PHC3: variants seen among roughly 807,000 people sequenced by gnomAD.
PHC3 encodes polyhomeotic homolog 3.
A neutral mutation model predicts 107.4 loss-of-function variants in PHC3; 13 were observed. The ratio of observed to expected loss-of-function variants is 0.12; its 90% CI spans 0.08 to 0.19. The LOEUF (loss-of-function observed/expected upper bound fraction) is 0.19. PHC3 is among the 10% of genes least tolerant of loss of function. The probability of loss-of-function intolerance (pLI) is 1.00; values close to 1 mark genes in which losing one functional copy is unlikely to be tolerated. For missense variants in PHC3, 992 were observed against 1,210.9 expected, an observed-to-expected ratio of 0.82 and a Z score of 2.68; for synonymous variants, 456 against 427.4, an observed-to-expected ratio of 1.07 and a Z score of -0.83.
chr3:170,144,291 AGACGGT>A (rs2108557189), intron 6 of PHC3, among the ~76,000 whole-genome samples: 1 of 151,654 alleles, frequency 6.6e-6, no homozygotes, highest in Admixed American at 6.6e-5. Flanking sequence ...CAGTGAGCGG[AGACGGT>A]GCCACTGTAC....
chr3:170,160,014 CA>C (rs1486265569), intron 4 of PHC3, among the ~76,000 whole-genome samples: 1 of 152,148 alleles, frequency 6.6e-6, no homozygotes, highest in African/African-American at 2.4e-5. Context: ...TCCAGCAAAA[CA>C]AAATTCTTAT....
chr3:170,105,545 C>T (rs913845711), intron 12 of PHC3, among the ~76,000 whole-genome samples: 1 of 151,986 alleles, frequency 6.6e-6, no homozygotes, highest in Non-Finnish European at 1.5e-5. Context: ...AATAGATGTA[C>T]ATAGTTTTAG....
At chr3:170,127,074 G>A (rs1365565197) in intron 8 of PHC3, among the ~76,000 whole-genome samples, 3 of 151,976 alleles carry the variant, frequency 2.0e-5, no homozygotes, top group Admixed American at 6.6e-5. Context: ...TGAAGGTGCT[G>A]TACGCTTCCT....
At chr3:170,099,964 C>T (rs1006354676) in intron 14 of PHC3, among the ~76,000 whole-genome samples, 7 of 152,014 alleles carry the variant, frequency 4.6e-5, no homozygotes, top group African/African-American at 1.7e-4. Context: ...GAAGATAACC[C>T]GCAGTAAATT....
chr3:170,128,501 TAAAC>T lies in PHC3; in HGVS notation c.1788+179_1788+182del. ...CAAATTATAAAGCATGCAACCACAC[TAAAC>T]AAACAATGGCATTTTTTTTTTTTTG... On this transcript the variant is annotated intron_variant, in intron 8 of 14. Transcript: ENST00000495893. 9.8e-6 allele frequency: 11 copies of T among 1,128,028 alleles called. No homozygotes were observed. In the South Asian group the frequency reaches 1.5e-4, roughly 15 times the overall value. The allele number at this position is 1,128,028 out of a possible 1,614,324, so 69.9% of individuals were successfully genotyped here.
chr3:170,098,756 T>C (rs1402481810), intron 14 of PHC3, among the ~76,000 whole-genome samples: 3 of 152,240 alleles, frequency 2.0e-5, no homozygotes, highest in Non-Finnish European at 2.9e-5. Context: ...CTGTTTCCTA[T>C]ATAACAACTA....
intron 14 of PHC3, among the ~76,000 whole-genome samples, chr3:170,099,619 G>A (rs922554688): frequency 3.3e-5 from 5 of 152,120 alleles, no homozygotes; most frequent in Admixed American, 6.5e-5. Flanking sequence ...GTGTAGTGCA[G>A]CTCTCAGCAC....
intron 4 of PHC3, chr3:170,171,085 T>C (rs1729511770): frequency 4.4e-6 from 2 of 458,066 alleles, no homozygotes; most frequent in South Asian, 8.2e-5. Context: ...TTGTATATTT[T>C]AGGCTTTCAA....
At position 170,094,849 on chromosome 3, in the gene PHC3, C is replaced by T. The variant is rs941582942; in HGVS notation, c.*2381G>A. 3 of 152,032 alleles carry T rather than the reference C, an allele frequency of 2.0e-5. No individual in the cohort carries two copies. Among genetic ancestry groups the T allele is most frequent in the African/African-American group, 7.2e-5 (3 of 41,386 alleles). The allele number at this position is 152,032 out of a possible 1,614,324, so 9.4% of individuals were successfully genotyped here. ...CCTGAATACTTAAGACAGCAGTAGG[C>T]ACAGGGGCTTTCAATAAGTACAGAA... On this transcript the variant is annotated 3_prime_UTR_variant, in exon 15 of 15. Coordinates refer to ENST00000495893, the MANE Select transcript of PHC3 (RefSeq NM_024947.4).
Position 170,112,395 on chromosome 3 carries a change from AT to A in PHC3, c.2353+964del, listed in dbSNP as rs200172583. On this transcript the variant is annotated intron_variant, in intron 11 of 14. Coordinates refer to ENST00000495893, the MANE Select transcript of PHC3 (RefSeq NM_024947.4). Reference sequence around the variant, plus strand: ...CCAGCTAATTTATATATATATATATATTTTTTTTTAGTAGAGATGGGGTTTC... The same window carrying A: ...CCAGCTAATTTATATATATATATATATTTTTTTTAGTAGAGATGGGGTTTC... Among the ~76,000 whole-genome samples the A allele has an allele frequency of 0.023, 1,207 of 52,260 alleles. 23 individuals are homozygous for A. In the East Asian group the frequency reaches 0.25, roughly 11 times the overall value. 34.3% of individuals were successfully genotyped at this position (52,260 alleles called of 152,430 possible).
At chr3:170,113,865 T>C (rs1459797064) in intron 10 of PHC3, among the ~76,000 whole-genome samples, 2 of 152,206 alleles carry the variant, frequency 1.3e-5, no homozygotes, top group African/African-American at 4.8e-5. Context: ...TGCAAATATT[T>C]TGGTAGCTCA....
At chr3:170,115,504 G>GT (rs138244600) in intron 10 of PHC3, among the ~76,000 whole-genome samples, 177 of 152,152 alleles carry the variant, frequency 1.2e-3, no homozygotes, top group Non-Finnish European at 2.1e-3. Context: ...AATGTGTACT[G>GT]TGGTATATAT....
chr3:170,111,305 G>C (rs201441032), intron 11 of PHC3, among the ~76,000 whole-genome samples: 1,696 of 95,396 alleles, frequency 0.018, 32 homozygotes, highest in East Asian at 0.099. Flanking sequence ...AAGGAAGGAA[G>C]GAAGGAAGGA....
chr3:170,137,000 G>GTATA (rs751902703), intron 6 of PHC3, among the ~76,000 whole-genome samples: 11 of 151,570 alleles, frequency 7.3e-5, no homozygotes, highest in East Asian at 1.9e-4. Context: ...AAAGCAGTAT[G>GTATA]TATATATATA....
intron 6 of PHC3, among the ~76,000 whole-genome samples, chr3:170,138,691 A>G (rs1372451917): frequency 2.1e-5 from 1 of 48,606 alleles, no homozygotes; most frequent in Non-Finnish European, 4.1e-5. Flanking sequence ...CTCTGTCTCA[A>G]AAAAAAAAAA....
chr3:170,106,134 AC>A (rs1343616860), intron 12 of PHC3, among the ~76,000 whole-genome samples: 1 of 152,064 alleles, frequency 6.6e-6, no homozygotes, highest in African/African-American at 2.4e-5. Context: ...ATCTCTTGAG[AC>A]TGGGTGGTGG....
intron 11 of PHC3, among the ~76,000 whole-genome samples, chr3:170,109,493 T>G (rs1425990239): frequency 2.0e-5 from 3 of 152,194 alleles, no homozygotes; most frequent in African/African-American, 7.2e-5. Context: ...CCTGGACTGA[T>G]CTTTGGGTTA....
intron 3 of PHC3, among the ~76,000 whole-genome samples, chr3:170,172,344 ACT>A (rs1488721259): frequency 6.6e-6 from 1 of 152,038 alleles, no homozygotes; most frequent in African/African-American, 2.4e-5. Context: ...GATAAAAAGC[ACT>A]GAGACAAAAG....
chr3:170,179,938 C>T lies in PHC3; in HGVS notation c.15-1000G>A, dbSNP rs550937630. Among the ~76,000 whole-genome samples the T allele has an allele frequency of 2.8e-4, 42 of 152,176 alleles. No homozygotes were observed. In the South Asian group the frequency reaches 7.9e-3, roughly 29 times the overall value. On this transcript the variant is annotated intron_variant, in intron 1 of 14. Transcript: ENST00000495893. The stretch of plus-strand genomic sequence containing the variant: ...CTTATCGGTCTTTTCTTCTGAGAAA[C>T]TAAATCCCACCCACCCCACATTAGC...
Sources: gnomAD v4.1 joint callset for allele counts (sites outside exome capture counted in the v4.1 genomes callset) on GRCh38, gnomAD v4.1.1 for gene constraint, MANE v1.5 for transcripts, NCBI Gene and HGNC (gene_info 2026-07-23, HGNC 2026-07-21) for gene names.